The following SLC36A1 variants were observed in gnomAD, a reference collection of about 807,000 sequenced individuals.
SLC36A1 encodes the protein proton-coupled amino acid transporter 1.
SLC36A1 carries 30 observed loss-of-function variants against 47.5 expected under a neutral mutation model. The observed-to-expected ratio is 0.63, with a 90% CI of 0.47 to 0.86. The LOEUF is 0.86. Ranked by LOEUF, SLC36A1 falls within the 40% of genes least tolerant of loss-of-function variation. The pLI is 0.00. For missense variants in SLC36A1, 517 were observed against 606.0 expected (o/e 0.85, Z 1.54); for synonymous variants, 255 against 249.7 (o/e 1.02, Z -0.20).
At chr5:151,447,040 G>T (rs1752967792), upstream of SLC36A1, among the ~76,000 whole-genome samples, 1 of 150,362 alleles carries the variant, frequency 6.7e-6, no homozygotes, top group African/African-American at 2.5e-5. Context: ...GACAGTTTTT[G>T]ACTTGAAGCC....
At chr5:151,540,615 C>T in the SLC36A1 span, 67 of 1,614,122 alleles carry the variant, frequency 4.2e-5, no homozygotes, top group Non-Finnish European at 5.4e-5. Flanking sequence ...CAAAGATCTC[C>T]ACAGTGACCG....
At chr5:151,386,613 A>G in the SLC36A1 span, among the ~76,000 whole-genome samples, 185 of 152,194 alleles carry the variant, frequency 1.2e-3, no homozygotes, top group African/African-American at 4.3e-3. Flanking sequence ...TGGCACTGTC[A>G]ATCAAAAAGC....
At chr5:151,551,067 C>G in the SLC36A1 span, among the ~76,000 whole-genome samples, 1 of 152,034 alleles carries the variant, frequency 6.6e-6, no homozygotes, top group Non-Finnish European at 1.5e-5. Flanking sequence ...TAGTGTTTTT[C>G]AAAAACAAAA....
the SLC36A1 span, among the ~76,000 whole-genome samples, chr5:151,402,352 C>T: frequency 1.3e-5 from 2 of 152,012 alleles, no homozygotes; most frequent in African/African-American, 4.8e-5. Flanking sequence ...TCTAGTTGAT[C>T]CTGGTGAATT....
At chr5:151,497,576 T>G in the SLC36A1 span, among the ~76,000 whole-genome samples, 1 of 152,246 alleles carries the variant, frequency 6.6e-6, no homozygotes, top group Non-Finnish European at 1.5e-5. Context: ...GCATAACTTC[T>G]ATTTTTGGCA....
intron 10 of SLC36A1, among the ~76,000 whole-genome samples, chr5:151,481,329 C>G (rs1047569562): frequency 6.6e-6 from 1 of 151,626 alleles, no homozygotes; most frequent in Non-Finnish European, 1.5e-5. Context: ...TGTCTGAGAG[C>G]ACTCGCCTCT....
chr5:151,411,457 A>G, the SLC36A1 span, among the ~76,000 whole-genome samples: 17 of 144,784 alleles, frequency 1.2e-4, 3 homozygotes, highest in East Asian at 3.8e-3. Context: ...CTTTCCTGAA[A>G]TTTTGAGACC....
At chr5:151,346,838 A>G in the SLC36A1 span, among the ~76,000 whole-genome samples, 32 of 152,346 alleles carry the variant, frequency 2.1e-4, no homozygotes, top group Middle Eastern at 3.4e-3. Flanking sequence ...AGTAGAGGCC[A>G]GGCTTACTGC....
At chr5:151,553,363 G>C in the SLC36A1 span, 1 of 1,614,220 alleles carries the variant, frequency 6.2e-7, no homozygotes, top group East Asian at 2.2e-5. Flanking sequence ...GAGAGTGGTG[G>C]CTGCCCACTG....
the SLC36A1 span, among the ~76,000 whole-genome samples, chr5:151,408,447 A>G: frequency 1.3e-5 from 2 of 152,162 alleles, no homozygotes; most frequent in Non-Finnish European, 2.9e-5. Context: ...TCGGCCTCCT[A>G]AAGTGCTGGG....
chr5:151,504,920 C>T, the SLC36A1 span: 1 of 152,690 alleles, frequency 6.5e-6, no homozygotes, highest in Non-Finnish European at 1.5e-5. Context: ...CCTGGTGGTG[C>T]TCCTCGGAGT....
chr5:151,461,139 C>G (rs991597300), intron 2 of SLC36A1, among the ~76,000 whole-genome samples: 3 of 148,154 alleles, frequency 2.0e-5, no homozygotes, highest in African/African-American at 7.7e-5. Flanking sequence ...AGGCATGCTC[C>G]TGGCTACTTT....
At chr5:151,509,856 G>C in the SLC36A1 span, 1 of 722,392 alleles carries the variant, frequency 1.4e-6, no homozygotes, top group Non-Finnish European at 2.3e-6. Flanking sequence ...ACCGGTCCCT[G>C]GTGCCAAAAA....
the SLC36A1 span, among the ~76,000 whole-genome samples, chr5:151,345,625 C>A: frequency 1.3e-5 from 2 of 152,134 alleles, no homozygotes; most frequent in East Asian, 3.9e-4. Flanking sequence ...AGCACTACAC[C>A]CTACTCGCCA....
chr5:151,542,303 C>G, the SLC36A1 span: 1 of 1,602,138 alleles, frequency 6.2e-7, no homozygotes, highest in African/African-American at 1.3e-5. Flanking sequence ...TAGCAGGTGA[C>G]CTGCCTGTTC....
chr5:151,392,195 T>C, the SLC36A1 span, among the ~76,000 whole-genome samples: 1 of 152,174 alleles, frequency 6.6e-6, no homozygotes, highest in African/African-American at 2.4e-5. Flanking sequence ...TGCGTAGAGG[T>C]GTTTATACTA....
intron 6 of SLC36A1, 36 bp downstream of exon 6, chr5:151,467,319 AAC>A (rs200196527): frequency 0.13 from 172,351 of 1,284,954 alleles, 5,703 homozygotes; most frequent in Non-Finnish European, 0.15. Flanking sequence ...AAAAAAAAAA[AAC>A]CAGAGCGAGA....
chr5:151,452,869 C>CAAAAAAAAAAAAAAA (rs543863050), intron 1 of SLC36A1, among the ~76,000 whole-genome samples: 4 of 107,132 alleles, frequency 3.7e-5, no homozygotes, highest in African/African-American at 9.9e-5. Flanking sequence ...GACACCATCT[C>CAAAAAAAAAAAAAAA]AAAAAAAAAA....
the SLC36A1 span, among the ~76,000 whole-genome samples, chr5:151,392,808 T>A: frequency 2.6e-5 from 4 of 152,142 alleles, no homozygotes; most frequent in Admixed American, 6.6e-5. Flanking sequence ...TGCTGAGGAG[T>A]GCTTTACTTC....
Sources: gnomAD v4.1 joint callset for allele counts (sites outside exome capture counted in the v4.1 genomes callset) on GRCh38, gnomAD v4.1.1 for gene constraint, MANE v1.5 for transcripts, NCBI Gene and HGNC (gene_info 2026-07-23, HGNC 2026-07-21) for gene names.